The following MCM9 variants were observed in gnomAD, a reference collection of about 807,000 sequenced individuals.
The protein encoded by MCM9 is minichromosome maintenance 9 homologous recombination repair factor.
Under a neutral mutation model 72.8 loss-of-function variants are expected in MCM9, and 55 were observed. The observed-to-expected ratio is 0.76, with a 90% CI of 0.61 to 0.95. The LOEUF (loss-of-function observed/expected upper bound fraction) is 0.95, where lower values mean the gene tolerates loss of function less well. MCM9 is among the 40% of genes least tolerant of loss of function. The probability of loss-of-function intolerance (pLI) is 0.00; values close to 1 mark genes in which losing one functional copy is unlikely to be tolerated. For synonymous variants in MCM9, 480 were observed against 503.4 expected (o/e 0.95, Z 0.62); for missense variants, 1,279 against 1,377.0 (o/e 0.93, Z 1.13).
At chr6:118,843,684 ATG>A (rs1338079263) in intron 9 of MCM9, among the ~76,000 whole-genome samples, 769 of 72,714 alleles carry the variant, frequency 0.011, 32 homozygotes, top group African/African-American at 0.034. Context: ...GTATATATAT[ATG>A]TGTATATATA....
intron 8 of MCM9, among the ~76,000 whole-genome samples, chr6:118,893,696 A>G (rs1192011841): frequency 1.3e-5 from 2 of 152,084 alleles, no homozygotes; most frequent in African/African-American, 4.8e-5. Flanking sequence ...CCTGCAGCCA[A>G]TCTTTCTCTC....
intron 8 of MCM9, among the ~76,000 whole-genome samples, chr6:118,875,823 CA>C (rs1300912964): frequency 1.3e-5 from 2 of 152,124 alleles, no homozygotes; most frequent in African/African-American, 4.8e-5. Context: ...GACAATTTGG[CA>C]GTTTCTAACA....
chr6:118,841,198 C>A lies in MCM9; in HGVS notation c.1326-11948G>T, dbSNP rs182479708. The stretch of plus-strand genomic sequence containing the variant: ...GACCATATAAATAATCTAGAAAGAA[C>A]AGTAAACTCTCAAAGTACATGGTTT... On this transcript the variant is annotated intron_variant, in intron 9 of 13. Coordinates refer to ENST00000619706, the MANE Select transcript of MCM9 (RefSeq NM_017696.3). Among the ~76,000 whole-genome samples the A allele has an allele frequency of 2.5e-3, 385 of 152,282 alleles. 3 individuals are homozygous for A. The highest frequency in any genetic ancestry group is 9.1e-3 in the African/African-American group (378 of 41,562).
intron 3 of MCM9, among the ~76,000 whole-genome samples, chr6:118,928,199 T>C (rs1245236466): frequency 6.6e-6 from 1 of 151,734 alleles, no homozygotes; most frequent in African/African-American, 2.4e-5. Context: ...TCACCTGAGG[T>C]CAAGAGTTCG....
At chr6:118,899,232 G>C (rs1233326102) in intron 8 of MCM9, among the ~76,000 whole-genome samples, 1 of 152,152 alleles carries the variant, frequency 6.6e-6, no homozygotes, top group Non-Finnish European at 1.5e-5. Flanking sequence ...AATGAAAGTT[G>C]GCTCCTGTTA....
At chr6:118,871,054 C>T (rs746307486) in intron 8 of MCM9, among the ~76,000 whole-genome samples, 3 of 152,148 alleles carry the variant, frequency 2.0e-5, no homozygotes, top group Non-Finnish European at 4.4e-5. Context: ...TCCTACTCAA[C>T]TCTTCCAAAA....
chr6:118,931,503 C>A lies in MCM9; in HGVS notation c.221G>T (p.Arg74Leu). Residue 74 changes from arginine (R) to leucine (L), a missense_variant, in exon 3 of 14, where the codon CGA becomes CTA. Transcript: ENST00000619706. Reference protein sequence around the residue: ...EVLTIFDSALRRSALTILQSL... With the variant: ...EVLTIFDSALLRSALTILQSL... ...CTGGAGAATTGTCAAGGCTGACCTTCGCAGTGCACTATCAAAAATTGTAAG... is the reference window on the plus strand; with the variant it reads ...CTGGAGAATTGTCAAGGCTGACCTTAGCAGTGCACTATCAAAAATTGTAAG... 6.2e-7 allele frequency: 1 copy of A among 1,614,154 alleles called. No homozygotes were observed. Among genetic ancestry groups the A allele is most frequent in the Non-Finnish European group, 8.5e-7 (1 of 1,180,034 alleles).
In MCM9 at chr6:118,815,726, CATG is replaced by C; in HGVS notation, c.2527_2529del (p.His843del). 8.4e-6 allele frequency: 13 copies of C among 1,545,046 alleles called. No individual in the cohort carries two copies. The highest frequency in any genetic ancestry group is 1.1e-5 in the Non-Finnish European group (13 of 1,146,724). ...CACAGCTTCTGCAGGTTCCTGGGGA[CATG>C]ATGAGTCAGTACTGAGTCTGGTTTA... On this transcript the variant is annotated inframe_deletion, in exon 14 of 14. Transcript: ENST00000619706.
chr6:118,921,997 CTT>C lies in MCM9; in HGVS notation c.703+6_703+7del, dbSNP rs769192267. The C allele has an allele frequency of 6.2e-7, 1 of 1,608,998 alleles. No individual in the cohort carries two copies. The highest frequency in any genetic ancestry group is 8.5e-7 in the Non-Finnish European group (1 of 1,177,524). ...ACACAAGCTAAAAAAAAATTCCCCT[CTT>C]CTTACCAGATTTGCAACTATCCACT... On this transcript the variant is annotated splice_donor_region_variant and intron_variant, in intron 5 of 13. Transcript: ENST00000619706.
At chr6:118,864,470 A>G (rs1368391516) in intron 8 of MCM9, among the ~76,000 whole-genome samples, 2 of 152,138 alleles carry the variant, frequency 1.3e-5, no homozygotes, top group South Asian at 2.1e-4. Flanking sequence ...CCCTCCACCC[A>G]CAAAAGCACC....
chr6:118,885,110 G>A (rs1213491096), intron 8 of MCM9, among the ~76,000 whole-genome samples: 4 of 152,110 alleles, frequency 2.6e-5, no homozygotes, highest in Non-Finnish European at 1.5e-5. Flanking sequence ...GCAGGAGAAC[G>A]GGGTGAACCC....
At chr6:118,893,293 A>G (rs1362921023) in intron 8 of MCM9, among the ~76,000 whole-genome samples, 1 of 152,132 alleles carries the variant, frequency 6.6e-6, no homozygotes, top group Non-Finnish European at 1.5e-5. Flanking sequence ...TTGAAGATCA[A>G]ATGTCTTGCT....
chr6:118,830,109 G>C (rs961626644), intron 9 of MCM9, among the ~76,000 whole-genome samples: 4 of 152,154 alleles, frequency 2.6e-5, no homozygotes, highest in Non-Finnish European at 4.4e-5. Flanking sequence ...ACATAACTTA[G>C]ATATTGTTTT....
chr6:118,831,323 A>G (rs993029977), intron 9 of MCM9, among the ~76,000 whole-genome samples: 2 of 148,410 alleles, frequency 1.3e-5, no homozygotes, highest in Admixed American at 6.8e-5. Context: ...TTGCACTCAC[A>G]AAGCAAGAGA....
intron 8 of MCM9, among the ~76,000 whole-genome samples, chr6:118,893,107 C>T (rs1168662299): frequency 2.0e-5 from 3 of 152,204 alleles, no homozygotes; most frequent in Non-Finnish European, 4.4e-5. Flanking sequence ...CTTTATACCA[C>T]TTACTAAATA....
chr6:118,856,850 C>T (rs1386045882), intron 8 of MCM9, among the ~76,000 whole-genome samples: 1 of 152,080 alleles, frequency 6.6e-6, no homozygotes, highest in Non-Finnish European at 1.5e-5. Context: ...CACTACACTC[C>T]AGCCTGGGTG....
In MCM9 at chr6:118,875,028, G is replaced by A. The variant is rs541996452; in HGVS notation, c.1151-18483C>T. ...CTTGGGAGGCTGAGACAGGAGAATC[G>A]CTTGAACCCAGGAGGCAGAGGTTGC... On this transcript the variant is annotated intron_variant, in intron 8 of 13. Coordinates refer to ENST00000619706, the MANE Select transcript of MCM9 (RefSeq NM_017696.3). 7.2e-5 allele frequency among the ~76,000 whole-genome samples: 11 copies of A among 152,238 alleles called. No homozygotes were observed. The East Asian group carries it at 7.8e-4, about 11-fold the overall frequency.
At chr6:118,884,480 T>G (rs1300787984) in intron 8 of MCM9, among the ~76,000 whole-genome samples, 1 of 151,634 alleles carries the variant, frequency 6.6e-6, no homozygotes, top group Non-Finnish European at 1.5e-5. Context: ...ATTCATTTGA[T>G]ACAAAGGAAA....
chr6:118,816,351 C>A lies in MCM9; in HGVS notation c.1962-57G>T, dbSNP rs140415491. 1,001 of 1,401,544 alleles carry A rather than the reference C, an allele frequency of 7.1e-4. 19 individuals are homozygous for A. In the East Asian group the frequency reaches 0.021, roughly 29 times the overall value. 86.8% of individuals were successfully genotyped at this position (1,401,544 alleles called of 1,614,324 possible). A position where few individuals can be genotyped will look rare whatever the true frequency, so the allele number is the denominator to read the frequency against. On this transcript the variant is annotated intron_variant, in intron 13 of 13. Coordinates refer to ENST00000619706, the MANE Select transcript of MCM9 (RefSeq NM_017696.3). ...TTGAAGGGAAGAGAATTTGTGCTAA[C>A]CTATTCATTTCTTTAGTCTCTGAGA...
Sources: allele counts gnomAD v4.1 joint callset (sites outside exome capture counted in the v4.1 genomes callset), GRCh38; gene constraint gnomAD v4.1.1; transcripts MANE v1.5; gene names NCBI Gene and HGNC (gene_info 2026-07-23, HGNC 2026-07-21).